TRIM47: variants seen among roughly 807,000 people sequenced by gnomAD.
The protein encoded by TRIM47 is tripartite motif containing 47, also known as E3 ubiquitin-protein ligase TRIM47.
Under a neutral mutation model 54.4 loss-of-function variants are expected in TRIM47, and 46 were observed. The observed-to-expected ratio is 0.84, with a 90% CI of 0.67 to 1.08. The LOEUF is 1.08. Among genes scored for constraint, TRIM47 ranks in the 50% least tolerant of loss-of-function variants. The probability of loss-of-function intolerance (pLI) is 0.00; values close to 1 mark genes in which losing one functional copy is unlikely to be tolerated. For synonymous variants in TRIM47, 392 were observed against 410.2 expected (o/e 0.96, Z 0.54); for missense variants, 825 against 910.1 (o/e 0.91, Z 1.20).
In TRIM47 at chr17:75,875,653, C is replaced by A; in HGVS notation, c.1202-179G>T. 1 of 719,480 alleles carries A rather than the reference C, an allele frequency of 1.4e-6. No homozygotes were observed. The highest frequency in any genetic ancestry group is 2.3e-5 in the Admixed American group (1 of 44,086). 44.6% of individuals were successfully genotyped at this position (719,480 alleles called of 1,614,324 possible). A position where few individuals can be genotyped will look rare whatever the true frequency, so the allele number is the denominator to read the frequency against. Reference sequence around the variant, plus strand: ...CCGTTGCCTGTGTTCTGCCTCTTGCCCCATGTGCTTCCCGGGCCACAGCCC... The same window carrying A: ...CCGTTGCCTGTGTTCTGCCTCTTGCACCATGTGCTTCCCGGGCCACAGCCC... On this transcript the variant is annotated intron_variant, in intron 4 of 5. Transcript: ENST00000254816. This position sits in a 1 kb window ranked among gnomAD's most constrained non-coding sequence, Gnocchi z 6.1.
In TRIM47 at chr17:75,878,049, C is replaced by T; in HGVS notation, c.500G>A (p.Gly167Glu). 1.4e-6 allele frequency: 2 copies of T among 1,402,574 alleles called. No homozygotes were observed. The highest frequency in any genetic ancestry group is 6.2e-5 in the Admixed American group (2 of 32,138). 86.9% of individuals were successfully genotyped at this position (1,402,574 alleles called of 1,614,324 possible). ...GCGCAGCGGCGGCACCAGGCGGTGT[C>T]CGCGGAGGGCGGGGCTGCGCTCGTG... ...GPHERSPALR[G>E]HRLVPPLRRL... The change falls in exon 1 of 6, where the codon GGA (glycine) becomes GAA (glutamate). Residue 167 changes from glycine to glutamate, a missense_variant. By Grantham distance (98) the Gly-to-Glu change is moderately conservative. Transcript: ENST00000254816.
At chr17:75,877,756 G>A (rs1447123713) in intron 1 of TRIM47, 118 bp downstream of exon 1, 3 of 1,253,140 alleles carry the variant, frequency 2.4e-6, no homozygotes, top group Non-Finnish European at 3.0e-6. Flanking sequence ...AAGATCCTCA[G>A]GTTAGAGGAG....
rs1325561596 is a variant in TRIM47 at position 75,876,024 on chromosome 17, T to C, written c.1078A>G (p.Thr360Ala). 6.2e-7 allele frequency: 1 copy of C among 1,604,358 alleles called. No homozygotes were observed. Among genetic ancestry groups the C allele is most frequent in the East Asian group, 2.2e-5 (1 of 44,882 alleles). The change falls in exon 4 of 6, where the codon ACC becomes GCC. Residue 360 changes from threonine to alanine, a missense_variant. By Grantham distance (58) the Thr-to-Ala change is moderately conservative. Transcript: ENST00000254816. ...GPGPPRELSF[T>A]KSSQAVRAVR... ...GCACGGACAGCTTGGGATGATTTGG[T>C]GAAGCTGAGCTCCCTCGGGGGTCCA... is the stretch of plus-strand genomic sequence containing the variant.
rs780952755 is a variant in TRIM47 at position 75,874,650 on chromosome 17, C to T, written c.1750G>A (p.Gly584Ser). Reference sequence around the variant, plus strand: ...GGGTCAATGGGGGAGGCCGGGATGCCACCCCGGCGGGGCCGGGAGGCCTTC... The same window carrying T: ...GGGTCAATGGGGGAGGCCGGGATGCTACCCCGGCGGGGCCGGGAGGCCTTC... The part of the protein sequence containing the change: ...RLKASRPRRG[G>S]IPASPIDPFQ... The change falls in exon 6 of 6, where the codon GGC (glycine) becomes AGC (serine). Residue 584 changes from glycine (G) to serine (S), a missense_variant. Transcript: ENST00000254816. The surrounding 1 kb of genome is among the most constrained non-coding windows in gnomAD (Gnocchi z 6.2). The T allele has an allele frequency of 3.8e-6, 6 of 1,591,208 alleles. No individual in the cohort carries two copies. Among genetic ancestry groups the T allele is most frequent in the Non-Finnish European group, 5.1e-6 (6 of 1,167,148 alleles).
Position 75,874,248 on chromosome 17 carries a change from G to T in TRIM47, c.*235C>A. 1 of 410,154 alleles carries T rather than the reference G, an allele frequency of 2.4e-6. No individual in the cohort carries two copies. 25.4% of individuals were successfully genotyped at this position (410,154 alleles called of 1,614,324 possible). On this transcript the variant is annotated 3_prime_UTR_variant, in exon 6 of 6. Coordinates refer to ENST00000254816, the MANE Select transcript of TRIM47 (RefSeq NM_033452.3). This position sits in a 1 kb window ranked among gnomAD's most constrained non-coding sequence, Gnocchi z 6.2. ...GGGAAAGGAGGGGTTAGGGTAGCTT[G>T]GAGCTGTCCCAGCTGTAGCTCTGTC...
Position 75,874,613 on chromosome 17 carries a change from C to A in TRIM47, c.1787G>T (p.Arg596Leu). 3 of 1,568,996 alleles carry A rather than the reference C, an allele frequency of 1.9e-6. No homozygotes were observed. The highest frequency in any genetic ancestry group is 1.2e-5 in the South Asian group (1 of 85,062). The change falls in exon 6 of 6, where the codon CGC (arginine) becomes CTC (leucine). Residue 596 changes from arginine to leucine, a missense_variant. Physicochemically the swap from Arg to Leu is moderately radical, Grantham distance 102. Transcript: ENST00000254816. The surrounding 1 kb of genome is among the most constrained non-coding windows in gnomAD (Gnocchi z 6.2). ...PASPIDPFQS[R>L]LDSHFAGLFT... ...GAGCCCCGCAAAGTGACTGTCCAGG[C>A]GGCTCTGGAAGGGGTCAATGGGGGA...
In TRIM47 at chr17:75,875,157, C is replaced by G. The variant is rs766572180; in HGVS notation, c.1277-34G>C. On this transcript the variant is annotated intron_variant, in intron 5 of 5. Transcript: ENST00000254816. The surrounding 1 kb of genome is among the most constrained non-coding windows in gnomAD (Gnocchi z 6.1). ...GTGGACAGAAGAGAGAGGCAGGGCT[C>G]AGGGCCAGGCTCAGAGGGCACGGCC... 2 of 1,558,454 alleles carry G rather than the reference C, an allele frequency of 1.3e-6. No homozygotes were observed. Among genetic ancestry groups the G allele is most frequent in the South Asian group, 2.4e-5 (2 of 82,068 alleles).
At position 75,876,352 on chromosome 17, in the gene TRIM47, C is replaced by T. The variant is rs1265396316; in HGVS notation, c.912G>A (p.Leu304=). ...AAMLGRSQGD[L]RRQEEQRSRL... is the part of the protein sequence containing the mutation. ...GGCTGCGCTGTTCCTCCTGTCGCCGCAGGTCACCCTGGGAGCGGCCTAGCA... is the reference window on the plus strand; with the variant it reads ...GGCTGCGCTGTTCCTCCTGTCGCCGTAGGTCACCCTGGGAGCGGCCTAGCA... Residue 304 remains leucine, a synonymous_variant, in exon 3 of 6, where the codon CTG becomes CTA. Transcript: ENST00000254816. 2 of 1,612,034 alleles carry T rather than the reference C, an allele frequency of 1.2e-6. No individual in the cohort carries two copies. Among genetic ancestry groups the T allele is most frequent in the East Asian group, 4.5e-5 (2 of 44,878 alleles).
At position 75,876,391 on chromosome 17, in the gene TRIM47, C is replaced by G. The variant is rs756222841; in HGVS notation, c.873G>C (p.Glu291Asp). 4 of 1,612,400 alleles carry G rather than the reference C, an allele frequency of 2.5e-6. No homozygotes were observed. The East Asian group carries it at 6.7e-5, about 27-fold the overall frequency. Reference sequence around the variant, plus strand: ...AGCGGCCTAGCATGGCAGCTTCCCCCTCCTCGATGAAGCCCAGCACCTGGG... The same window carrying G: ...AGCGGCCTAGCATGGCAGCTTCCCCGTCCTCGATGAAGCCCAGCACCTGGG... ...FQTQVLGFIE[E>D]GEAAMLGRSQ... Residue 291 changes from glutamate to aspartate, a missense_variant, in exon 3 of 6, where the codon GAG becomes GAC. By Grantham distance (45) the Glu-to-Asp change is conservative. Coordinates refer to ENST00000254816, the MANE Select transcript of TRIM47 (RefSeq NM_033452.3).
chr17:75,877,078 C>G (rs2065140163), intron 1 of TRIM47: 1 of 505,382 alleles, frequency 2.0e-6, no homozygotes, highest in African/African-American at 1.9e-5. Context: ...CAGGGCCGTC[C>G]GCTGGTCTCA....
At position 75,877,908 on chromosome 17, in the gene TRIM47, A is replaced by AGCTCGTGGCCGCGGT. The variant is rs1362178201; in HGVS notation, c.626_640dup (p.His209_Glu213dup). On this transcript the variant is annotated inframe_insertion, in exon 1 of 6. Transcript: ENST00000254816. ...CGCGCGCTCCTGCTCCAGCGGCACC[A>AGCTCGTGGCCGCGGT]GCTCGTGGCCGCGGTGCTCCTGTGC... The AGCTCGTGGCCGCGGT allele has an allele frequency of 3.5e-6, 5 of 1,423,568 alleles. No individual in the cohort carries two copies. The African/African-American group carries it at 7.4e-5, about 21-fold the overall frequency. 88.2% of individuals were successfully genotyped at this position (1,423,568 alleles called of 1,614,324 possible).
In TRIM47 at chr17:75,875,357, G is replaced by A; in HGVS notation, c.1276+43C>T. 6.2e-7 allele frequency: 1 copy of A among 1,600,024 alleles called. No individual in the cohort carries two copies. The highest frequency in any genetic ancestry group is 1.1e-5 in the South Asian group (1 of 90,792). ...TGCTGGGACCAGCCCAGCAGCCCTG[G>A]GAGGGCCCAGTGTGAGTGGAGGGGG... On this transcript the variant is annotated intron_variant, in intron 5 of 5. Coordinates refer to ENST00000254816, the MANE Select transcript of TRIM47 (RefSeq NM_033452.3). The surrounding 1 kb of genome is among the most constrained non-coding windows in gnomAD (Gnocchi z 6.1).
In TRIM47 at chr17:75,877,812, G is replaced by A. The variant is rs1024484549; in HGVS notation, c.675+62C>T. On this transcript the variant is annotated intron_variant, in intron 1 of 5. Coordinates refer to ENST00000254816, the MANE Select transcript of TRIM47 (RefSeq NM_033452.3). ...GAAGACTGGGGGGTCCAAGGTCCTC[G>A]GCCCGCTCGCGCGCGGTCGGTCACC... The A allele has an allele frequency of 8.6e-6, 11 of 1,284,254 alleles. 1 individual carries two copies. The South Asian group carries it at 2.3e-4, about 27-fold the overall frequency. The allele number at this position is 1,284,254 out of a possible 1,614,324, so 79.6% of individuals were successfully genotyped here.
chr17:75,874,377 G>T lies in TRIM47; in HGVS notation c.*106C>A. On this transcript the variant is annotated 3_prime_UTR_variant, in exon 6 of 6. Coordinates refer to ENST00000254816, the MANE Select transcript of TRIM47 (RefSeq NM_033452.3). The surrounding 1 kb of genome is among the most constrained non-coding windows in gnomAD (Gnocchi z 6.2). ...GGTGGAAGCCTCTAGAAATGAGAAG[G>T]CTGGGTGTGTGGGACTCATGCTGGT... 9.2e-7 allele frequency: 1 copy of T among 1,088,574 alleles called. No individual in the cohort carries two copies. Among genetic ancestry groups the T allele is most frequent in the Non-Finnish European group, 1.3e-6 (1 of 783,880 alleles). The allele number at this position is 1,088,574 out of a possible 1,614,324, so 67.4% of individuals were successfully genotyped here. A position where few individuals can be genotyped will look rare whatever the true frequency, so the allele number is the denominator to read the frequency against.
Position 75,875,293 on chromosome 17 carries a change from A to G in TRIM47, c.1276+107T>C. 7.2e-7 allele frequency: 1 copy of G among 1,386,462 alleles called. No individual in the cohort carries two copies. The highest frequency in any genetic ancestry group is 1.0e-6 in the Non-Finnish European group (1 of 984,978). 85.9% of individuals were successfully genotyped at this position (1,386,462 alleles called of 1,614,324 possible). On this transcript the variant is annotated intron_variant, in intron 5 of 5. Transcript: ENST00000254816. This position sits in a 1 kb window ranked among gnomAD's most constrained non-coding sequence, Gnocchi z 6.1. Reference sequence around the variant, plus strand: ...GGAGCTGCCCTAGCTCTCCCCACAAACTGGGGAGAGGAATCCTAACCCTTG... The same window carrying G: ...GGAGCTGCCCTAGCTCTCCCCACAAGCTGGGGAGAGGAATCCTAACCCTTG...
rs748949048 is a variant in TRIM47, at chr17:75,875,376, G to A, written c.1276+24C>T. The A allele has an allele frequency of 6.2e-7, 1 of 1,612,594 alleles. No homozygotes were observed. The highest frequency in any genetic ancestry group is 8.5e-7 in the Non-Finnish European group (1 of 1,178,740). ...GCCCTGGGAGGGCCCAGTGTGAGTG[G>A]AGGGGGCACGGGCGTCCACTTACAC... On this transcript the variant is annotated intron_variant, in intron 5 of 5. Transcript: ENST00000254816. This position sits in a 1 kb window ranked among gnomAD's most constrained non-coding sequence, Gnocchi z 6.1.
At chr17:75,877,830 C>A in intron 1 of TRIM47, 44 bp downstream of exon 1, 2 of 1,291,258 alleles carry the variant, frequency 1.5e-6, no homozygotes, top group South Asian at 4.5e-5. Context: ...CGCGCGCGGT[C>A]GGTCACCAGC....
chr17:75,876,653 C>T (rs1289630384), intron 2 of TRIM47, 65 bp downstream of exon 2: 1 of 1,587,482 alleles, frequency 6.3e-7, no homozygotes, highest in Non-Finnish European at 8.6e-7. Context: ...GACACTTGTG[C>T]TCAGTAGGTA....
At chr17:75,877,730 G>T in intron 1 of TRIM47, 144 bp downstream of exon 1, 5 of 1,241,782 alleles carry the variant, frequency 4.0e-6, no homozygotes, top group Non-Finnish European at 5.0e-6. Context: ...CCTTGTCAAG[G>T]CTGGAAGGGA....
Sources: allele counts gnomAD v4.1 joint callset, GRCh38; gene constraint gnomAD v4.1.1; non-coding constraint Gnocchi (gnomAD v3.1); transcripts MANE v1.5; gene names NCBI Gene and HGNC (gene_info 2026-07-23, HGNC 2026-07-21).